FAM234B: variants seen among roughly 807,000 people sequenced by gnomAD.
The protein encoded by FAM234B is protein FAM234B.
A neutral mutation model predicts 69.3 loss-of-function variants in FAM234B; 33 were observed. The observed-to-expected ratio is 0.48, with a 90% CI of 0.36 to 0.64. The LOEUF is 0.64. Among genes scored for constraint, FAM234B ranks in the 30% least tolerant of loss-of-function variants. The pLI, the probability that FAM234B is intolerant of heterozygous loss-of-function variation, is 0.00. For missense variants in FAM234B, 697 were observed against 769.7 expected (o/e 0.91, Z 1.12); for synonymous variants, 306 against 306.9 (o/e 1.00, Z 0.03).
chr12:13,070,418 A>G (rs1865093386), intron 9 of FAM234B, among the ~76,000 whole-genome samples: 1 of 152,024 alleles, frequency 6.6e-6, no homozygotes, highest in Non-Finnish European at 1.5e-5. Flanking sequence ...AGGACTCAGG[A>G]GCCTGGAAGA....
At chr12:13,054,424 C>A (rs185455600) in intron 1 of FAM234B, among the ~76,000 whole-genome samples, 46 of 152,304 alleles carry the variant, frequency 3.0e-4, no homozygotes, top group African/African-American at 1.1e-3. Flanking sequence ...ACAATCTGGT[C>A]TCCATATAGT....
At chr12:13,051,549 ACG>A (rs1364955324) in intron 1 of FAM234B, among the ~76,000 whole-genome samples, 2 of 152,264 alleles carry the variant, frequency 1.3e-5, no homozygotes, top group East Asian at 3.8e-4. Context: ...TCAAGATCTT[ACG>A]TTATAGAAAT....
chr12:13,061,094 C>T (rs1591598414), intron 3 of FAM234B, among the ~76,000 whole-genome samples: 1 of 152,186 alleles, frequency 6.6e-6, no homozygotes, highest in African/African-American at 2.4e-5. Context: ...TTTTGCTCCC[C>T]GCGCTGCACA....
In FAM234B at chr12:13,079,842, C is replaced by G. The variant is rs756086154; in HGVS notation, c.1696C>G (p.Pro566Ala). 16 of 1,613,914 alleles carry G rather than the reference C, an allele frequency of 9.9e-6. No homozygotes were observed. In the East Asian group the frequency reaches 1.8e-4, roughly 18 times the overall value. ...CTTTTATGTTACCAGGACAACAGGG[C>G]CAAGCTCCGAAGGCCATCCAGCAGC... ...DAFYVTRTTG[P>A]SSEGHPAALV... is the part of the protein sequence containing the mutation. Residue 566 changes from proline to alanine, a missense_variant, in exon 12 of 13, where the codon CCA becomes GCA. Pro to Ala is a conservative substitution (Grantham distance 27). This residue lies in a region of FAM234B where 313 missense variants were observed against 305.5 expected (regional missense o/e 1.02). Coordinates refer to ENST00000197268, the MANE Select transcript of FAM234B (RefSeq NM_020853.2).
chr12:13,079,986 A>C lies in FAM234B; in HGVS notation c.1840A>C (p.Lys614Gln). 2 of 1,606,156 alleles carry C rather than the reference A, an allele frequency of 1.2e-6. No homozygotes were observed. Among genetic ancestry groups the C allele is most frequent in the Non-Finnish European group, 1.7e-6 (2 of 1,175,646 alleles). ...GELRRFLSRIKFVEAPYEI is the reference protein window; with the variant it reads ...GELRRFLSRIQFVEAPYEI ...GCTGCGAAGATTTCTCTCTAGGATA[A>C]AGTTTGTTGAAGCTCCCTACGAGGT... Residue 614 changes from lysine to glutamine, a missense_variant, in exon 12 of 13, where the codon AAG becomes CAG. Coordinates refer to ENST00000197268, the MANE Select transcript of FAM234B (RefSeq NM_020853.2).
intron 1 of FAM234B, among the ~76,000 whole-genome samples, chr12:13,049,876 G>A (rs1196997427): frequency 6.6e-6 from 1 of 152,138 alleles, no homozygotes; most frequent in Admixed American, 6.6e-5. Context: ...CTTGTGGAAT[G>A]AGTACTAAAC....
chr12:13,057,816 A>G (rs1203218566), intron 2 of FAM234B, among the ~76,000 whole-genome samples: 1 of 151,462 alleles, frequency 6.6e-6, no homozygotes, highest in African/African-American at 2.4e-5. Context: ...TTGGGGTGGA[A>G]CTCCTTTGGT....
intron 2 of FAM234B, among the ~76,000 whole-genome samples, chr12:13,057,394 G>A (rs751642332): frequency 5.3e-5 from 8 of 151,286 alleles, no homozygotes; most frequent in Non-Finnish European, 8.8e-5. Context: ...TTTTTCCATG[G>A]TATGAATATC....
intron 3 of FAM234B, among the ~76,000 whole-genome samples, chr12:13,060,266 A>G (rs1246734307): frequency 6.6e-6 from 1 of 152,162 alleles, no homozygotes; most frequent in Non-Finnish European, 1.5e-5. Flanking sequence ...GCTTTGTGCT[A>G]CTGGACACAG....
intron 4 of FAM234B, 77 bp downstream of exon 4, chr12:13,061,840 G>T: frequency 8.1e-7 from 1 of 1,241,804 alleles, no homozygotes; most frequent in East Asian, 2.4e-5. Context: ...TTGGGTAGGG[G>T]ACCTTTTGAC....
chr12:13,076,708 G>A (rs917635451), intron 11 of FAM234B, among the ~76,000 whole-genome samples: 3 of 152,262 alleles, frequency 2.0e-5, no homozygotes, highest in Non-Finnish European at 2.9e-5. Context: ...CATTTTGGAA[G>A]TGTTCTTCTA....
intron 5 of FAM234B, among the ~76,000 whole-genome samples, chr12:13,065,790 A>G (rs1306581508): frequency 6.6e-6 from 1 of 152,220 alleles, no homozygotes; most frequent in African/African-American, 2.4e-5. Context: ...ACCTCCCTCT[A>G]GGCTAGTATT....
intron 2 of FAM234B, 120 bp downstream of exon 2, chr12:13,056,066 G>T: frequency 9.5e-7 from 1 of 1,056,864 alleles, no homozygotes; most frequent in Non-Finnish European, 1.3e-6. Flanking sequence ...CCACCCTGCC[G>T]TCCCCACTGT....
chr12:13,078,273 A>C (rs1565513115), intron 11 of FAM234B, among the ~76,000 whole-genome samples: 1 of 151,962 alleles, frequency 6.6e-6, no homozygotes. Flanking sequence ...CTTTAGTTTA[A>C]TTAGATCCCG....
intron 5 of FAM234B, among the ~76,000 whole-genome samples, chr12:13,065,089 C>T (rs1591599631): frequency 1.3e-5 from 2 of 152,162 alleles, no homozygotes; most frequent in South Asian, 2.1e-4. Flanking sequence ...ATTTGTGAGG[C>T]GATCCATTTC....
chr12:13,076,995 C>T (rs1865168824), intron 11 of FAM234B, among the ~76,000 whole-genome samples: 3 of 152,194 alleles, frequency 2.0e-5, no homozygotes, highest in Admixed American at 2.0e-4. Flanking sequence ...CTTACAAACT[C>T]ATTGGCCTTG....
At chr12:13,063,088 G>T in intron 5 of FAM234B, 113 bp downstream of exon 5, 1 of 1,266,938 alleles carries the variant, frequency 7.9e-7, no homozygotes, top group Non-Finnish European at 1.1e-6. Flanking sequence ...TTTTACAAGG[G>T]TTTAGGTTTA....
chr12:13,068,056 G>A (rs1438984438), intron 7 of FAM234B, among the ~76,000 whole-genome samples: 1 of 152,180 alleles, frequency 6.6e-6, no homozygotes, highest in African/African-American at 2.4e-5. Context: ...GAGAGATATT[G>A]CACTGTAGCA....
At chr12:13,071,101 C>A (rs1865100303) in intron 9 of FAM234B, 140 bp from the exon 10 acceptor site, 6 of 827,934 alleles carry the variant, frequency 7.2e-6, no homozygotes, top group Non-Finnish European at 1.2e-5. Flanking sequence ...CTCGGAACAC[C>A]CAGTTTGCTT....
Sources: allele counts gnomAD v4.1 joint callset (sites outside exome capture counted in the v4.1 genomes callset), GRCh38; gene constraint gnomAD v4.1.1; regional missense constraint gnomAD v4.1.1; transcripts MANE v1.5; gene names NCBI Gene and HGNC (gene_info 2026-07-23, HGNC 2026-07-21).